LMBR1: variants seen among roughly 807,000 people sequenced by gnomAD.
LMBR1 encodes limb region 1 protein homolog.
In LMBR1, 52 loss-of-function variants were observed where a neutral mutation model predicts 73.9. The observed-to-expected ratio is 0.70, with a 90% CI of 0.56 to 0.89. The LOEUF is 0.89. Ranked by LOEUF, LMBR1 falls within the 40% of genes least tolerant of loss-of-function variation. The pLI is 0.00. For missense variants in LMBR1, 539 were observed against 579.8 expected (o/e 0.93, Z 0.72); for synonymous variants, 215 against 209.4 (o/e 1.03, Z -0.23).
At chr7:156,676,678 G>A (rs1337762046), downstream of LMBR1, 1 of 1,584,214 alleles carries the variant, frequency 6.3e-7, no homozygotes, top group Non-Finnish European at 8.7e-7. Context: ...GGAAAGTTAG[G>A]TAATTCTGAG....
In LMBR1 at chr7:156,698,184, G is replaced by A. The variant is rs565467788; in HGVS notation, c.1226-9993C>T. On this transcript the variant is annotated intron_variant, in intron 15 of 16. Coordinates refer to ENST00000353442, the MANE Select transcript of LMBR1 (RefSeq NM_022458.4). ...TCGCATCCAGGTCATGGTGATGCAA[G>A]AAGTGGGTTCCCATGGTCTTGGGCA... Among the ~76,000 whole-genome samples the A allele has an allele frequency of 2.6e-5, 4 of 152,342 alleles. No homozygotes were observed. The South Asian group carries it at 8.3e-4, about 32-fold the overall frequency.
At chr7:156,711,949 T>A (rs1812164049) in intron 15 of LMBR1, among the ~76,000 whole-genome samples, 1 of 152,134 alleles carries the variant, frequency 6.6e-6, no homozygotes. Context: ...GGAAAAGAAT[T>A]CATGACTTAA....
chr7:156,705,337 G>A (rs969869941), intron 15 of LMBR1, among the ~76,000 whole-genome samples: 2 of 152,118 alleles, frequency 1.3e-5, no homozygotes, highest in African/African-American at 4.8e-5. Context: ...GTGGGTGGAT[G>A]GGTTGAGCCC....
intron 15 of LMBR1, among the ~76,000 whole-genome samples, chr7:156,711,289 C>G (rs754902519): frequency 2.7e-4 from 41 of 151,910 alleles, no homozygotes; most frequent in Non-Finnish European, 5.4e-4. Context: ...CCAGCCTGGG[C>G]GACAGAGCGA....
chr7:156,684,053 T>C lies in LMBR1; in HGVS notation c.*25A>G. ...AATCTGGAGTTCTCGGGTCTCTTGGTGGCAGAAGACGCCGTCTGTGCGTCT... is the reference window on the plus strand; with the variant it reads ...AATCTGGAGTTCTCGGGTCTCTTGGCGGCAGAAGACGCCGTCTGTGCGTCT... On this transcript the variant is annotated 3_prime_UTR_variant, in exon 17 of 17. Transcript: ENST00000353442. The C allele has an allele frequency of 1.3e-6, 2 of 1,585,294 alleles. No homozygotes were observed. The highest frequency in any genetic ancestry group is 8.7e-7 in the Non-Finnish European group (1 of 1,154,514).
chr7:156,744,582 C>T (rs10488062), intron 9 of LMBR1, among the ~76,000 whole-genome samples: 14,370 of 152,050 alleles, frequency 0.095, 747 homozygotes, highest in East Asian at 0.15. Context: ...CTGCACTTCA[C>T]GTCTATTTTT....
intron 15 of LMBR1, among the ~76,000 whole-genome samples, chr7:156,698,009 G>A (rs188111817): frequency 4.6e-5 from 7 of 152,262 alleles, no homozygotes; most frequent in East Asian, 3.9e-4. Context: ...GTGACTTCCC[G>A]CAACAGGGAT....
chr7:156,706,208 AT>A (rs1390091811), intron 15 of LMBR1, among the ~76,000 whole-genome samples: 1 of 151,612 alleles, frequency 6.6e-6, no homozygotes, highest in Non-Finnish European at 1.5e-5. Flanking sequence ...AAAGGGACCT[AT>A]TCAGCAAGAG....
intron 1 of LMBR1, among the ~76,000 whole-genome samples, chr7:156,888,620 G>A (rs971458987): frequency 6.6e-6 from 1 of 151,502 alleles, no homozygotes; most frequent in Non-Finnish European, 1.5e-5. Context: ...ATATTATTCA[G>A]CCTGAACAAA....
rs185454382 is a variant in LMBR1, at chr7:156,787,055, G to A, written c.423+9334C>T. 7.9e-5 allele frequency among the ~76,000 whole-genome samples: 12 copies of A among 152,218 alleles called. No individual in the cohort carries two copies. The East Asian group carries it at 2.3e-3, about 29-fold the overall frequency. On this transcript the variant is annotated intron_variant, in intron 5 of 16. Coordinates refer to ENST00000353442, the MANE Select transcript of LMBR1 (RefSeq NM_022458.4). ...GAAGTCAGCGCCTACAGATGAGCTC[G>A]CAGGGGAGACTTTCTTCTGCCCAGA...
At chr7:156,887,019 T>C (rs1244930700) in intron 1 of LMBR1, among the ~76,000 whole-genome samples, 1 of 152,170 alleles carries the variant, frequency 6.6e-6, no homozygotes, top group Non-Finnish European at 1.5e-5. Context: ...CTGGCAGCCT[T>C]AGGATTTCAT....
chr7:156,890,097 G>A (rs548541853), intron 1 of LMBR1, among the ~76,000 whole-genome samples: 10 of 152,280 alleles, frequency 6.6e-5, no homozygotes, highest in Middle Eastern at 3.4e-3. Flanking sequence ...TTACCTATCT[G>A]TGACAAAAGT....
At chr7:156,871,559 A>G (rs1442144216) in intron 1 of LMBR1, among the ~76,000 whole-genome samples, 1 of 152,356 alleles carries the variant, frequency 6.6e-6, no homozygotes, top group African/African-American at 2.4e-5. Flanking sequence ...ATAGTTGCTC[A>G]CTGAATCCAA....
intron 1 of LMBR1, among the ~76,000 whole-genome samples, chr7:156,877,581 A>T (rs1800368993): frequency 6.6e-6 from 1 of 152,186 alleles, no homozygotes; most frequent in Non-Finnish European, 1.5e-5. Context: ...AGATGCAGGG[A>T]TGGTTTAACA....
intron 1 of LMBR1, among the ~76,000 whole-genome samples, chr7:156,891,236 A>G (rs1209423775): frequency 9.6e-6 from 1 of 103,866 alleles, no homozygotes; most frequent in African/African-American, 4.5e-5. Context: ...ATATATATAC[A>G]CACACACACA....
At chr7:156,888,949 G>T (rs1385773818) in intron 1 of LMBR1, among the ~76,000 whole-genome samples, 3 of 152,104 alleles carry the variant, frequency 2.0e-5, no homozygotes, top group African/African-American at 7.2e-5. Flanking sequence ...AGCTACTCGG[G>T]AGGCTGAGGC....
At chr7:156,676,770 A>C (rs1335798708), downstream of LMBR1, 3 of 742,824 alleles carry the variant, frequency 4.0e-6, no homozygotes, top group Non-Finnish European at 6.8e-6. Flanking sequence ...CCAGGGAAAT[A>C]AGCTATTGGT....
chr7:156,725,028 C>T (rs779148776), intron 14 of LMBR1, among the ~76,000 whole-genome samples: 14 of 152,056 alleles, frequency 9.2e-5, no homozygotes, highest in African/African-American at 9.7e-5. Flanking sequence ...AGAACTCTTC[C>T]GTCTTACTTT....
intron 8 of LMBR1, among the ~76,000 whole-genome samples, chr7:156,760,489 G>C (rs577278637): frequency 6.6e-6 from 1 of 152,270 alleles, no homozygotes; most frequent in East Asian, 1.9e-4. Context: ...TAGAAATTTA[G>C]ACCAATGATG....
Sources: gnomAD v4.1 joint callset for allele counts (sites outside exome capture counted in the v4.1 genomes callset) on GRCh38, gnomAD v4.1.1 for gene constraint, MANE v1.5 for transcripts, NCBI Gene and HGNC (gene_info 2026-07-23, HGNC 2026-07-21) for gene names.